The following OCA2 variants were observed in gnomAD, a reference collection of about 807,000 sequenced individuals.
The protein encoded by OCA2 is P protein.
In OCA2, 77 loss-of-function variants were observed where a neutral mutation model predicts 100.2. The ratio of observed to expected loss-of-function variants is 0.77; its 90% CI spans 0.64 to 0.93. OCA2 has a LOEUF of 0.93. Among genes scored for constraint, OCA2 ranks in the 40% least tolerant of loss-of-function variants. OCA2 has a pLI of 0.00. For missense variants in OCA2, 1,062 were observed against 1,089.1 expected (o/e 0.98, Z 0.35); for synonymous variants, 432 against 439.2 (o/e 0.98, Z 0.21).
chr15:27,968,132 G>A (rs141360616), intron 14 of OCA2, among the ~76,000 whole-genome samples: 52 of 152,304 alleles, frequency 3.4e-4, no homozygotes, highest in East Asian at 2.7e-3. Flanking sequence ...AGTCAGCAGC[G>A]TCATTGGTTG....
Position 27,926,146 on chromosome 15 carries a change from G to A in OCA2, c.2060C>T (p.Ala687Val), listed in dbSNP as rs773980859. 2.7e-5 allele frequency: 44 copies of A among 1,613,904 alleles called. No individual in the cohort carries two copies. Among genetic ancestry groups the A allele is most frequent in the Admixed American group, 2.3e-4 (14 of 60,008 alleles). The change falls in exon 19 of 24, where the codon GCG (alanine) becomes GTG (valine). Residue 687 changes from alanine (A) to valine (V), a missense_variant. Ala to Val is a moderately conservative substitution (Grantham distance 64). Coordinates refer to ENST00000354638, the MANE Select transcript of OCA2 (RefSeq NM_000275.3). Reference sequence around the variant, plus strand: ...TCTTACCTCCATCAGAACAAAGAGCGCTGCAAAAAACAGAAGGGTTGCCCA... The same window carrying A: ...TCTTACCTCCATCAGAACAAAGAGCACTGCAAAAAACAGAAGGGTTGCCCA... ...VEWATLLFFA[A>V]LFVLMEALAH...
chr15:27,976,494 C>CAT (rs1255771580), intron 14 of OCA2, among the ~76,000 whole-genome samples: 1 of 152,028 alleles, frequency 6.6e-6, no homozygotes, highest in Non-Finnish European at 1.5e-5. Context: ...AATGTTTTTT[C>CAT]TGCATCTATT....
intron 23 of OCA2, among the ~76,000 whole-genome samples, chr15:27,799,416 T>C (rs1048799886): frequency 3.3e-5 from 5 of 152,204 alleles, no homozygotes. Context: ...GCAAGAGTCC[T>C]ACTACAATTC....
At chr15:27,806,142 G>C (rs1436901254) in intron 23 of OCA2, among the ~76,000 whole-genome samples, 1 of 152,232 alleles carries the variant, frequency 6.6e-6, no homozygotes, top group Non-Finnish European at 1.5e-5. Flanking sequence ...GGAAGGCGAG[G>C]GCTCTGATGC....
chr15:28,095,095 G>T (rs1323627043), intron 1 of OCA2, among the ~76,000 whole-genome samples: 1 of 152,256 alleles, frequency 6.6e-6, no homozygotes, highest in Non-Finnish European at 1.5e-5. Flanking sequence ...AGCTAGGCCG[G>T]GTCACCGCCT....
intron 2 of OCA2, among the ~76,000 whole-genome samples, chr15:28,042,731 G>A (rs1438844227): frequency 1.3e-5 from 2 of 151,944 alleles, no homozygotes; most frequent in Admixed American, 6.6e-5. Context: ...GTATTAATAG[G>A]AATATTAAAG....
chr15:28,000,743 A>G (rs772265429), intron 9 of OCA2, among the ~76,000 whole-genome samples: 11 of 152,216 alleles, frequency 7.2e-5, no homozygotes, highest in Admixed American at 2.0e-4. Flanking sequence ...AACATATGTA[A>G]GGAACTCATA....
chr15:27,948,266 G>A (rs182554141), intron 18 of OCA2, among the ~76,000 whole-genome samples: 29 of 152,274 alleles, frequency 1.9e-4, no homozygotes, highest in African/African-American at 7.0e-4. Context: ...TCCCATACAT[G>A]CTGTGGGAAC....
At chr15:27,815,612 A>G (rs145185358) in intron 23 of OCA2, among the ~76,000 whole-genome samples, 3 of 152,352 alleles carry the variant, frequency 2.0e-5, no homozygotes, top group African/African-American at 4.8e-5. Flanking sequence ...CCCAAAGGCT[A>G]GCAAGAGTCT....
intron 19 of OCA2, among the ~76,000 whole-genome samples, chr15:27,919,142 T>C (rs1217765042): frequency 6.6e-6 from 1 of 152,178 alleles, no homozygotes; most frequent in Admixed American, 6.5e-5. Context: ...GTGCTAGGTA[T>C]TGGGTAGTAA....
intron 23 of OCA2, among the ~76,000 whole-genome samples, chr15:27,802,148 A>G (rs2311471): frequency 0.55 from 83,468 of 151,912 alleles, 23,366 homozygotes; most frequent in South Asian, 0.76. Flanking sequence ...TTATATTTCT[A>G]TATAATAGCA....
At chr15:27,956,865 C>T (rs1361405133) in intron 16 of OCA2, among the ~76,000 whole-genome samples, 2 of 152,228 alleles carry the variant, frequency 1.3e-5, no homozygotes, top group African/African-American at 2.4e-5. Flanking sequence ...GGTGACCCCT[C>T]AGTGCACAGC....
At chr15:27,815,478 T>C (rs958242462) in intron 23 of OCA2, among the ~76,000 whole-genome samples, 12 of 152,314 alleles carry the variant, frequency 7.9e-5, no homozygotes, top group Non-Finnish European at 1.5e-4. Context: ...GTTTAGAGAA[T>C]AGGCGTCTGT....
chr15:28,019,982 A>G (rs1225110138), intron 6 of OCA2, among the ~76,000 whole-genome samples: 2 of 152,114 alleles, frequency 1.3e-5, no homozygotes, highest in East Asian at 1.9e-4. Flanking sequence ...TCAACCCCTC[A>G]TCGTGGCTGG....
intron 2 of OCA2, among the ~76,000 whole-genome samples, chr15:28,046,024 A>G (rs2043337281): frequency 6.6e-6 from 1 of 152,106 alleles, no homozygotes; most frequent in Non-Finnish European, 1.5e-5. Context: ...CTGGTTAGGG[A>G]CCACGTGTCC....
intron 3 of OCA2, among the ~76,000 whole-genome samples, chr15:28,028,477 C>T (rs2042820732): frequency 6.8e-6 from 1 of 146,020 alleles, no homozygotes; most frequent in South Asian, 2.2e-4. Flanking sequence ...GTGTAGATCT[C>T]TTTCTGCAGT....
intron 3 of OCA2, among the ~76,000 whole-genome samples, chr15:28,029,556 CT>C (rs1181071002): frequency 6.6e-6 from 1 of 152,182 alleles, no homozygotes; most frequent in Admixed American, 6.5e-5. Flanking sequence ...CTATTTGTCA[CT>C]TGAAGTGTGG....
In OCA2 at chr15:27,755,118, G is replaced by A. The variant is rs940741403; in HGVS notation, c.*270C>T. On this transcript the variant is annotated 3_prime_UTR_variant, in exon 24 of 24. Transcript: ENST00000354638. ...TAGCAGGAAGGGTTTTTAAACATAC[G>A]TATTTTTCTGGAGGGGAATCTTGAG... 3.5e-5 allele frequency: 15 copies of A among 427,440 alleles called. No homozygotes were observed. Among genetic ancestry groups the A allele is most frequent in the Middle Eastern group, 7.3e-4 (1 of 1,366 alleles). The allele number at this position is 427,440 out of a possible 1,614,324, so 26.5% of individuals were successfully genotyped here.
chr15:27,746,081 T>C, the OCA2 span, among the ~76,000 whole-genome samples: 1 of 152,240 alleles, frequency 6.6e-6, no homozygotes, highest in Non-Finnish European at 1.5e-5. Context: ...GAGACTGTGC[T>C]TCAGGCCTTG....
Sources: gnomAD v4.1 joint callset for allele counts (sites outside exome capture counted in the v4.1 genomes callset) on GRCh38, gnomAD v4.1.1 for gene constraint, MANE v1.5 for transcripts, NCBI Gene and HGNC (gene_info 2026-07-23, HGNC 2026-07-21) for gene names.